The following ELP4 variants were observed in gnomAD, a reference collection of about 807,000 sequenced individuals.
The protein encoded by ELP4 is elongator complex protein 4.
A neutral mutation model predicts 48.9 loss-of-function variants in ELP4; 51 were observed. The observed-to-expected ratio is 1.04, with a 90% CI of 0.83 to 1.32. The LOEUF is 1.32. Among genes scored for constraint, ELP4 ranks in the 40% most tolerant of loss-of-function variants. ELP4 has a pLI of 0.00. For missense variants in ELP4, 519 were observed against 514.6 expected (o/e 1.01, Z -0.08); for synonymous variants, 210 against 189.2 (o/e 1.11, Z -0.90).
chr11:31,537,548 G>C (rs1221830137), intron 2 of ELP4, among the ~76,000 whole-genome samples: 1 of 152,202 alleles, frequency 6.6e-6, no homozygotes, highest in East Asian at 1.9e-4. Context: ...GGTTTAATTG[G>C]CTCATGGTTC....
At position 31,789,912 on chromosome 11, in the gene ELP4, C is replaced by CTTTT. The variant is rs759391101; in HGVS notation, c.*6408_*6411dup. 6.6e-4 allele frequency: 686 copies of CTTTT among 1,045,128 alleles called. 4 individuals carry two copies. The highest frequency in any genetic ancestry group is 1.7e-3 in the South Asian group (113 of 67,338). 64.7% of individuals were successfully genotyped at this position (1,045,128 alleles called of 1,614,324 possible). On this transcript the variant is annotated 3_prime_UTR_variant, in exon 10 of 10. Coordinates refer to ENST00000640961, the MANE Select transcript of ELP4 (RefSeq NM_019040.5). ...CTGAATTAACACAATATTTCCTTTC[C>CTTTT]TTTTTTTTTTTTTTTTTTTTTTTAC...
intron 5 of ELP4, among the ~76,000 whole-genome samples, chr11:31,613,443 A>G (rs529306625): frequency 6.6e-6 from 1 of 152,302 alleles, no homozygotes; most frequent in South Asian, 2.1e-4. Context: ...GCCAAACATT[A>G]TTGAAATACA....
At chr11:31,675,428 C>T (rs1314556950) in intron 9 of ELP4, among the ~76,000 whole-genome samples, 1 of 152,060 alleles carries the variant, frequency 6.6e-6, no homozygotes, top group Non-Finnish European at 1.5e-5. Flanking sequence ...CCACGCCTGG[C>T]TAATTTTGTA....
chr11:31,602,733 G>A (rs191612695), intron 4 of ELP4, among the ~76,000 whole-genome samples: 203 of 151,840 alleles, frequency 1.3e-3, no homozygotes, highest in African/African-American at 4.5e-3. Flanking sequence ...TTAAAAAGTT[G>A]TCACTTAGAT....
chr11:31,725,958 A>G (rs1045896537), intron 9 of ELP4, among the ~76,000 whole-genome samples: 1 of 152,208 alleles, frequency 6.6e-6, no homozygotes, highest in Admixed American at 6.5e-5. Flanking sequence ...ACAGTAAAAA[A>G]ATTTTTTACA....
chr11:31,555,809 A>G (rs773877898), intron 3 of ELP4, among the ~76,000 whole-genome samples: 28 of 152,118 alleles, frequency 1.8e-4, no homozygotes, highest in South Asian at 4.1e-4. Flanking sequence ...ATAGGATTTC[A>G]GTATGCAGAC....
chr11:31,617,276 A>C (rs1257751380), intron 5 of ELP4, among the ~76,000 whole-genome samples: 1 of 152,140 alleles, frequency 6.6e-6, no homozygotes, highest in Non-Finnish European at 1.5e-5. Flanking sequence ...ATGTAAAAAT[A>C]CATATTACAA....
At chr11:31,530,990 A>C in intron 2 of ELP4, among the ~76,000 whole-genome samples, 1 of 152,154 alleles carries the variant, frequency 6.6e-6, no homozygotes, top group East Asian at 1.9e-4. Flanking sequence ...CATCATTATC[A>C]TTTTTACTTG....
At chr11:31,702,935 A>G (rs1946556216) in intron 9 of ELP4, among the ~76,000 whole-genome samples, 4 of 152,210 alleles carry the variant, frequency 2.6e-5, no homozygotes, top group African/African-American at 7.2e-5. Context: ...TATTATGTAA[A>G]GCACTTAGAA....
At chr11:31,526,532 C>T (rs2133887143) in intron 2 of ELP4, among the ~76,000 whole-genome samples, 2 of 152,062 alleles carry the variant, frequency 1.3e-5, no homozygotes, top group South Asian at 4.1e-4. Flanking sequence ...TGTCTTCAAA[C>T]ATCTAACGTA....
At chr11:31,704,299 A>T (rs1009441349) in intron 9 of ELP4, among the ~76,000 whole-genome samples, 2 of 152,154 alleles carry the variant, frequency 1.3e-5, no homozygotes, top group African/African-American at 4.8e-5. Context: ...TCTTAAAACT[A>T]TGCAGCCATA....
At chr11:31,596,973 G>A (rs1957680299) in intron 4 of ELP4, among the ~76,000 whole-genome samples, 2 of 152,074 alleles carry the variant, frequency 1.3e-5, no homozygotes, top group South Asian at 4.1e-4. Flanking sequence ...TTATCAAATT[G>A]ACAATGATCT....
chr11:31,620,695 A>G (rs1944602275), intron 5 of ELP4, among the ~76,000 whole-genome samples: 1 of 151,992 alleles, frequency 6.6e-6, no homozygotes, highest in African/African-American at 2.4e-5. Flanking sequence ...ATCAGTAATT[A>G]AAGGAAGTCA....
At chr11:31,528,466 T>C (rs1956334892) in intron 2 of ELP4, among the ~76,000 whole-genome samples, 1 of 152,194 alleles carries the variant, frequency 6.6e-6, no homozygotes, top group Non-Finnish European at 1.5e-5. Context: ...ACTTTTGTCA[T>C]AAATTTGCTA....
At chr11:31,658,350 A>G (rs553858965) in intron 9 of ELP4, among the ~76,000 whole-genome samples, 16 of 121,652 alleles carry the variant, frequency 1.3e-4, no homozygotes, top group Non-Finnish European at 2.7e-4. Flanking sequence ...CTTATATAAC[A>G]TGATGTTATT....
chr11:31,700,232 AAAAG>A (rs1946493475), intron 9 of ELP4, among the ~76,000 whole-genome samples: 1 of 151,986 alleles, frequency 6.6e-6, no homozygotes, highest in Non-Finnish European at 1.5e-5. Flanking sequence ...TTTTTAAAAA[AAAAG>A]AAAAATGGAG....
chr11:31,754,988 A>G (rs1243668352), intron 9 of ELP4, among the ~76,000 whole-genome samples: 4 of 152,164 alleles, frequency 2.6e-5, no homozygotes, highest in African/African-American at 9.7e-5. Context: ...GGCTTCAGGA[A>G]GAAGTGTTTG....
intron 3 of ELP4, among the ~76,000 whole-genome samples, chr11:31,565,196 T>G (rs1396525575): frequency 1.3e-5 from 2 of 152,242 alleles, no homozygotes; most frequent in African/African-American, 4.8e-5. Flanking sequence ...TGTCTGTTCA[T>G]ATCCTTTGCC....
chr11:31,742,481 T>C (rs181209008), intron 9 of ELP4, among the ~76,000 whole-genome samples: 4 of 152,012 alleles, frequency 2.6e-5, no homozygotes, highest in Admixed American at 2.0e-4. Context: ...AAGGAAAAAA[T>C]GTTAAGGGCA....
Sources: gnomAD v4.1 joint callset for allele counts (sites outside exome capture counted in the v4.1 genomes callset) on GRCh38, gnomAD v4.1.1 for gene constraint, MANE v1.5 for transcripts, NCBI Gene and HGNC (gene_info 2026-07-23, HGNC 2026-07-21) for gene names.